The following DOCK3 variants were observed in gnomAD, a reference collection of about 807,000 sequenced individuals.
DOCK3 encodes dedicator of cytokinesis 3.
Under a neutral mutation model 265.6 loss-of-function variants are expected in DOCK3, and 60 were observed. The observed-to-expected ratio is 0.23, with a 90% CI of 0.18 to 0.28. The LOEUF is 0.28. Among genes scored for constraint, DOCK3 ranks in the 10% least tolerant of loss-of-function variants. The pLI is 1.00. For synonymous variants in DOCK3, 881 were observed against 938.0 expected (o/e 0.94, Z 1.11); for missense variants, 1,981 against 2,594.3 (o/e 0.76, Z 5.14).
intron 10 of DOCK3, among the ~76,000 whole-genome samples, chr3:51,147,144 A>G (rs1576235358): frequency 1.3e-5 from 2 of 152,248 alleles, no homozygotes; most frequent in South Asian, 4.1e-4. Flanking sequence ...AAAATATGAC[A>G]TAGGTCTTTC....
intron 4 of DOCK3, among the ~76,000 whole-genome samples, chr3:50,894,132 A>G (rs575753536): frequency 6.6e-6 from 1 of 152,220 alleles, no homozygotes; most frequent in African/African-American, 2.4e-5. Context: ...AGTATAATTA[A>G]AAAAACAGGA....
intron 2 of DOCK3, among the ~76,000 whole-genome samples, chr3:50,836,379 G>C (rs969580774): frequency 6.6e-6 from 1 of 152,214 alleles, no homozygotes; most frequent in Non-Finnish European, 1.5e-5. Context: ...CTCAATTCTT[G>C]TCTTCTGTGT....
At chr3:51,332,956 C>T in intron 33 of DOCK3, 45 bp from the exon 34 acceptor site, 1 of 1,613,136 alleles carries the variant, frequency 6.2e-7, no homozygotes, top group East Asian at 2.2e-5. Flanking sequence ...TTGTTGCTGC[C>T]AGTTCAGTAA....
intron 51 of DOCK3, among the ~76,000 whole-genome samples, chr3:51,377,698 C>T (rs1207343510): frequency 6.6e-6 from 1 of 152,254 alleles, no homozygotes; most frequent in Non-Finnish European, 1.5e-5. Flanking sequence ...GCAGGGCAAA[C>T]TTGATGGCTT....
chr3:51,076,566 C>T (rs990738350), intron 7 of DOCK3, among the ~76,000 whole-genome samples: 3 of 152,236 alleles, frequency 2.0e-5, no homozygotes, highest in African/African-American at 7.2e-5. Context: ...TGCAAGTATG[C>T]TTTGCATACA....
At chr3:51,188,165 T>A (rs756625794) in intron 12 of DOCK3, among the ~76,000 whole-genome samples, 2 of 152,224 alleles carry the variant, frequency 1.3e-5, no homozygotes, top group Non-Finnish European at 2.9e-5. Context: ...TTTCACTTTT[T>A]AAAATTTCTT....
At chr3:50,848,267 G>A (rs1214581163) in intron 3 of DOCK3, among the ~76,000 whole-genome samples, 3 of 152,100 alleles carry the variant, frequency 2.0e-5, no homozygotes, top group Non-Finnish European at 4.4e-5. Context: ...GCTACTCTTT[G>A]CCTTTTAGGT....
chr3:51,173,728 T>G (rs1038258609), intron 12 of DOCK3, among the ~76,000 whole-genome samples: 3 of 152,226 alleles, frequency 2.0e-5, no homozygotes, highest in Non-Finnish European at 4.4e-5. Flanking sequence ...TGCTTATATC[T>G]TACTGCTTTC....
At chr3:51,098,671 C>G (rs2082962467) in intron 9 of DOCK3, among the ~76,000 whole-genome samples, 1 of 152,216 alleles carries the variant, frequency 6.6e-6, no homozygotes, top group African/African-American at 2.4e-5. Flanking sequence ...AATAGACCTG[C>G]AATTTAGTCT....
chr3:51,160,544 C>T lies in DOCK3; in HGVS notation c.890-11C>T, dbSNP rs1332962004. 1.3e-6 allele frequency: 2 copies of T among 1,598,948 alleles called. No homozygotes were observed. Among genetic ancestry groups the T allele is most frequent in the Non-Finnish European group, 1.7e-6 (2 of 1,174,390 alleles). The stretch of plus-strand genomic sequence containing the variant: ...TTCTCAGTCTGACTGGTGTTTTCTG[C>T]TGTGCCCAAGGCCGGATGCTCCTGA... On this transcript the variant is annotated splice_polypyrimidine_tract_variant and intron_variant, in intron 11 of 52. Transcript: ENST00000266037.
intron 2 of DOCK3, among the ~76,000 whole-genome samples, chr3:50,797,592 C>T (rs1424469007): frequency 1.3e-5 from 2 of 152,216 alleles, no homozygotes; most frequent in African/African-American, 4.8e-5. Flanking sequence ...ATTTTTGAGG[C>T]ACCTCCGTAC....
intron 5 of DOCK3, among the ~76,000 whole-genome samples, chr3:51,055,752 C>G (rs6803025): frequency 0.06 from 3,802 of 63,728 alleles, 184 homozygotes; most frequent in African/African-American, 0.14. Flanking sequence ...TGTCATATCT[C>G]TAATATTTTT....
intron 1 of DOCK3, among the ~76,000 whole-genome samples, chr3:50,723,220 A>T (rs141143702): frequency 1.3e-5 from 2 of 152,226 alleles, no homozygotes; most frequent in Non-Finnish European, 2.9e-5. Flanking sequence ...ACACAGGTCC[A>T]TAGAGATTAC....
chr3:51,214,079 A>G (rs1389456568), intron 13 of DOCK3, 43 bp from the exon 14 acceptor site: 1 of 1,611,470 alleles, frequency 6.2e-7, no homozygotes, highest in Non-Finnish European at 8.5e-7. Context: ...ACTATATAAC[A>G]GGGTAGAACT....
At chr3:51,114,511 A>G (rs1432682664) in intron 9 of DOCK3, among the ~76,000 whole-genome samples, 2 of 152,216 alleles carry the variant, frequency 1.3e-5, no homozygotes, top group East Asian at 3.9e-4. Context: ...TTTTTGGATA[A>G]GTAGAAACTT....
intron 2 of DOCK3, among the ~76,000 whole-genome samples, chr3:50,803,016 G>A (rs1011559699): frequency 6.8e-5 from 7 of 102,912 alleles, no homozygotes; most frequent in Admixed American, 4.7e-4. Flanking sequence ...CTGTCTTGAA[G>A]TACAGAAATT....
chr3:50,831,946 A>AC (rs1276545957), intron 2 of DOCK3, among the ~76,000 whole-genome samples: 1 of 152,082 alleles, frequency 6.6e-6, no homozygotes, highest in Non-Finnish European at 1.5e-5. Context: ...ATGGTATCTC[A>AC]TTGTGGTTTT....
intron 19 of DOCK3, among the ~76,000 whole-genome samples, chr3:51,234,808 A>T (rs2078285793): frequency 6.6e-6 from 1 of 152,196 alleles, no homozygotes; most frequent in Admixed American, 6.5e-5. Context: ...AGTTGCCTTC[A>T]TAGGGCTTTT....
chr3:51,025,337 A>G (rs2079768727), intron 5 of DOCK3, among the ~76,000 whole-genome samples: 1 of 152,068 alleles, frequency 6.6e-6, no homozygotes, highest in African/African-American at 2.4e-5. Flanking sequence ...AGAGGAGTTT[A>G]CAAAAGGAGT....
Sources: allele counts gnomAD v4.1 joint callset (sites outside exome capture counted in the v4.1 genomes callset), GRCh38; gene constraint gnomAD v4.1.1; transcripts MANE v1.5; gene names NCBI Gene and HGNC (gene_info 2026-07-23, HGNC 2026-07-21).